The following IL3 variants were observed in gnomAD, a reference collection of about 807,000 sequenced individuals.
IL3 encodes interleukin 3.
In IL3, 15 loss-of-function variants were observed where a neutral mutation model predicts 15.4. The ratio of observed to expected loss-of-function variants is 0.97; its 90% confidence interval spans 0.65 to 1.50. The LOEUF (loss-of-function observed/expected upper bound fraction) is 1.50. IL3 is among the 40% of genes most tolerant of loss of function. The pLI is 0.00. For missense variants in IL3, 162 were observed against 192.2 expected, an observed-to-expected ratio of 0.84 and a Z score of 0.93; for synonymous variants, 74 against 79.3, an observed-to-expected ratio of 0.93 and a Z score of 0.36.
Position 132,062,902 on chromosome 5 carries a change from A to C in IL3, c.*111A>C. On this transcript the variant is annotated 3_prime_UTR_variant, in exon 5 of 5. Coordinates refer to ENST00000296870, the MANE Select transcript of IL3 (RefSeq NM_000588.4). ...CATCTCTCACACATTCCAGGACCAG[A>C]AGCATTTCACCTTTTCCTGCGGCAT... 2 of 1,384,806 alleles carry C rather than the reference A, an allele frequency of 1.4e-6. No individual in the cohort carries two copies. Among genetic ancestry groups the C allele is most frequent in the Non-Finnish European group, 1.9e-6 (2 of 1,030,724 alleles). The allele number at this position is 1,384,806 out of a possible 1,614,324, so 85.8% of individuals were successfully genotyped here.
At chr5:132,061,098 T>A in intron 2 of IL3, 90 bp downstream of exon 2, 1 of 1,204,452 alleles carries the variant, frequency 8.3e-7, no homozygotes, top group Non-Finnish European at 1.2e-6. Context: ...GCTTTCTTCA[T>A]CTGTAAAATA....
intron 2 of IL3, 101 bp downstream of exon 2, chr5:132,061,109 G>C (rs1035391493): frequency 1.9e-6 from 2 of 1,028,522 alleles, no homozygotes; most frequent in African/African-American, 3.2e-5. Context: ...CTGTAAAATA[G>C]GGTTAATAGC....
chr5:132,062,985 C>T lies in IL3; in HGVS notation c.*194C>T, dbSNP rs550935537. 50 of 657,554 alleles carry T rather than the reference C, an allele frequency of 7.6e-5. 1 individual carries two copies. Among genetic ancestry groups the T allele is most frequent in the Admixed American group, 4.7e-4 (15 of 31,580 alleles). The allele number at this position is 657,554 out of a possible 1,614,324, so 40.7% of individuals were successfully genotyped here. Reference sequence around the variant, plus strand: ...TGTGCAGCTCCCATTTGGCCTTGTGCGGTTGTGTTCTCATTTTTATCCCAT... The same window carrying T: ...TGTGCAGCTCCCATTTGGCCTTGTGTGGTTGTGTTCTCATTTTTATCCCAT... On this transcript the variant is annotated 3_prime_UTR_variant, in exon 5 of 5. Coordinates refer to ENST00000296870, the MANE Select transcript of IL3 (RefSeq NM_000588.4).
In IL3 at chr5:132,062,683, T is replaced by C. The variant is rs747099626; in HGVS notation, c.351T>C (p.His117=). ...ATAAPTRHPI[H]IKDGDWNEFR... ...TTTCTTTATAGCGACATCCAATCCA[T>C]ATCAAGGACGGTGACTGGAATGAAT... Residue 117 remains histidine (H), a synonymous_variant, in exon 5 of 5, where the codon CAT becomes CAC. Coordinates refer to ENST00000296870, the MANE Select transcript of IL3 (RefSeq NM_000588.4). The C allele has an allele frequency of 1.5e-5, 24 of 1,614,154 alleles. No individual in the cohort carries two copies. In the East Asian group the frequency reaches 5.1e-4, roughly 34 times the overall value.
chr5:132,061,768 A>ATTTTTTT (rs11314637), intron 2 of IL3, among the ~76,000 whole-genome samples: 1 of 118,432 alleles, frequency 8.4e-6, no homozygotes, highest in Admixed American at 8.6e-5. Context: ...CTCCCCACCC[A>ATTTTTTT]TTTTTTTTTT....
Position 132,062,847 on chromosome 5 carries a change from A to C in IL3, c.*56A>C. On this transcript the variant is annotated 3_prime_UTR_variant, in exon 5 of 5. Coordinates refer to ENST00000296870, the MANE Select transcript of IL3 (RefSeq NM_000588.4). The stretch of plus-strand genomic sequence containing the variant: ...CTCACCACAGAGCCTCGGGACATCA[A>C]AAACAGCAGAACTTCTGAAACCTCT... 1.3e-6 allele frequency: 2 copies of C among 1,565,274 alleles called. No individual in the cohort carries two copies. Among genetic ancestry groups the C allele is most frequent in the African/African-American group, 1.4e-5 (1 of 73,160 alleles).
rs756873166 is a variant in IL3 at position 132,062,567 on chromosome 5, G to T, written c.336G>T (p.Thr112=). ...TGCCCCTGGCCACGGCCGCACCCAC[G>T]GTAAGCTGTCCCCCAAGATGCCCGT... is the stretch of plus-strand genomic sequence containing the variant. ...PCLPLATAAP[T]RHPIHIKDGD... The change falls in exon 4 of 5, where the codon ACG becomes ACT. Residue 112 remains threonine (T), a splice_region_variant and synonymous_variant. Coordinates refer to ENST00000296870, the MANE Select transcript of IL3 (RefSeq NM_000588.4). 6.2e-7 allele frequency: 1 copy of T among 1,614,088 alleles called. No individual in the cohort carries two copies. Among genetic ancestry groups the T allele is most frequent in the Non-Finnish European group, 8.5e-7 (1 of 1,179,996 alleles).
In IL3 at chr5:132,060,682, C is replaced by CAG. The variant is rs774710731; in HGVS notation, c.-22_-21dup. The CAG allele has an allele frequency of 2.0e-5, 33 of 1,611,942 alleles. No individual in the cohort carries two copies. The highest frequency in any genetic ancestry group is 4.3e-4 in the Middle Eastern group (2 of 4,602). The stretch of plus-strand genomic sequence containing the variant: ...AGCCCCACGAAGGACCAGAACAAGA[C>CAG]AGAGTGCCTCCTGCCGATCCAAACA... On this transcript the variant is annotated 5_prime_UTR_variant, in exon 1 of 5. Transcript: ENST00000296870.
chr5:132,062,779 C>G lies in IL3; in HGVS notation c.447C>G (p.Leu149=), dbSNP rs573706059. Residue 149 remains leucine, a synonymous_variant, in exon 5 of 5, where the codon CTC becomes CTG. Coordinates refer to ENST00000296870, the MANE Select transcript of IL3 (RefSeq NM_000588.4). ...NAQAQQTTLS[L]AIF is the part of the protein sequence containing the mutation. Reference sequence around the variant, plus strand: ...AGGCTCAACAGACGACTTTGAGCCTCGCGATCTTTTGAGTCCAACGTCCAG... The same window carrying G: ...AGGCTCAACAGACGACTTTGAGCCTGGCGATCTTTTGAGTCCAACGTCCAG... 377 of 1,613,358 alleles carry G rather than the reference C, an allele frequency of 2.3e-4. 1 individual carries two copies. The highest frequency in any genetic ancestry group is 3.1e-4 in the Non-Finnish European group (362 of 1,179,328).
chr5:132,061,768 AT>A (rs11314637), intron 2 of IL3, among the ~76,000 whole-genome samples: 65,999 of 118,092 alleles, frequency 0.56, 16,826 homozygotes, highest in African/African-American at 0.63. Context: ...CTCCCCACCC[AT>A]TTTTTTTTTT....
Position 132,062,773 on chromosome 5 carries a change from G to T in IL3, c.441G>T (p.Leu147Phe), listed in dbSNP as rs1177948660. The T allele has an allele frequency of 6.2e-7, 1 of 1,613,646 alleles. No homozygotes were observed. The highest frequency in any genetic ancestry group is 1.3e-5 in the African/African-American group (1 of 74,914). ...LENAQAQQTT[L>F]SLAIF ...ATGCGCAGGCTCAACAGACGACTTTGAGCCTCGCGATCTTTTGAGTCCAAC... is the reference window on the plus strand; with the variant it reads ...ATGCGCAGGCTCAACAGACGACTTTTAGCCTCGCGATCTTTTGAGTCCAAC... Residue 147 changes from leucine (L) to phenylalanine (F), a missense_variant, in exon 5 of 5, where the codon TTG (leucine) becomes TTT (phenylalanine). Leu to Phe is a conservative substitution (Grantham distance 22). Transcript: ENST00000296870.
At chr5:132,060,942 C>A (rs766988239) in intron 1 of IL3, 25 bp from the exon 2 acceptor site, 1 of 1,613,828 alleles carries the variant, frequency 6.2e-7, no homozygotes, top group South Asian at 1.1e-5. Flanking sequence ...GCCTCATGGG[C>A]CTTTCTCTCC....
intron 3 of IL3, 62 bp downstream of exon 3, chr5:132,062,463 A>G: frequency 6.2e-7 from 1 of 1,611,582 alleles, no homozygotes; most frequent in Non-Finnish European, 8.5e-7. Flanking sequence ...TCTGGGGAGG[A>G]GAGCAGGGCC....
At position 132,060,786 on chromosome 5, in the gene IL3, C is replaced by T. The variant is rs771952609; in HGVS notation, c.80C>T (p.Pro27Leu). ...CAAGCTCCCATGACCCAGACAACGCCCTTGAAGACAAGCTGGGTTAACTGC... is the reference window on the plus strand; with the variant it reads ...CAAGCTCCCATGACCCAGACAACGCTCTTGAAGACAAGCTGGGTTAACTGC... ...GLQAPMTQTT[P>L]LKTSWVNCSN... The change falls in exon 1 of 5, where the codon CCC becomes CTC. Residue 27 changes from proline (P) to leucine (L), a missense_variant. Pro to Leu is a moderately conservative substitution (Grantham distance 98, BLOSUM62 -3). Transcript: ENST00000296870. The T allele has an allele frequency of 6.2e-7, 1 of 1,614,206 alleles. No homozygotes were observed. The highest frequency in any genetic ancestry group is 8.5e-7 in the Non-Finnish European group (1 of 1,180,032).
Position 132,063,152 on chromosome 5 carries a change from C to A in IL3, c.*361C>A. 5.0e-6 allele frequency: 1 copy of A among 200,784 alleles called. No individual in the cohort carries two copies. The highest frequency in any genetic ancestry group is 1.0e-5 in the Non-Finnish European group (1 of 97,748). The allele number at this position is 200,784 out of a possible 1,614,324, so 12.4% of individuals were successfully genotyped here. On this transcript the variant is annotated 3_prime_UTR_variant, in exon 5 of 5. Transcript: ENST00000296870. ...GTGGGGAGCATGTTCATTTGTACCT[C>A]GAGTTTTAAACTGGTTCCTAGGGAT... is the stretch of plus-strand genomic sequence containing the variant.
rs752291415 is a variant in IL3, at chr5:132,062,573, CT to C, written c.336+7del. Reference sequence around the variant, plus strand: ...TGGCCACGGCCGCACCCACGGTAAGCTGTCCCCCAAGATGCCCGTCATGGCT... The same window carrying C: ...TGGCCACGGCCGCACCCACGGTAAGCGTCCCCCAAGATGCCCGTCATGGCT... On this transcript the variant is annotated splice_region_variant and intron_variant, in intron 4 of 4. Coordinates refer to ENST00000296870, the MANE Select transcript of IL3 (RefSeq NM_000588.4). 2.5e-6 allele frequency: 4 copies of C among 1,614,156 alleles called. No individual in the cohort carries two copies. In the Admixed American group the frequency reaches 6.7e-5, roughly 27 times the overall value.
At chr5:132,061,138 G>C (rs1021051729) in intron 2 of IL3, 130 bp downstream of exon 2, 1 of 791,590 alleles carries the variant, frequency 1.3e-6, no homozygotes, top group Admixed American at 2.4e-5. Flanking sequence ...CAGTGGGATT[G>C]TTATGACAAT....
chr5:132,061,045 G>T, intron 2 of IL3, 37 bp downstream of exon 2: 1 of 1,605,140 alleles, frequency 6.2e-7, no homozygotes, highest in Non-Finnish European at 8.5e-7. Flanking sequence ...TCCACTTCCT[G>T]CCTGGGTGAC....
rs761107100 is a variant in IL3, at chr5:132,060,986, G to A, written c.182G>A (p.Gly61Glu). 2 of 1,614,154 alleles carry A rather than the reference G, an allele frequency of 1.2e-6. No individual in the cohort carries two copies. Among genetic ancestry groups the A allele is most frequent in the Non-Finnish European group, 1.7e-6 (2 of 1,180,018 alleles). Reference sequence around the variant, plus strand: ...CCACAGGACTTCAACAACCTCAATGGGGAAGACCAAGACATTCTGATGGTA... The same window carrying A: ...CCACAGGACTTCAACAACCTCAATGAGGAAGACCAAGACATTCTGATGGTA... Reference protein sequence around the residue: ...LPLLDFNNLNGEDQDILMENN... With the variant: ...LPLLDFNNLNEEDQDILMENN... Residue 61 changes from glycine (G) to glutamate (E), a missense_variant, in exon 2 of 5, where the codon GGG becomes GAG. By Grantham distance (98) the Gly-to-Glu change is moderately conservative. Coordinates refer to ENST00000296870, the MANE Select transcript of IL3 (RefSeq NM_000588.4).
Sources: allele counts gnomAD v4.1 joint callset (sites outside exome capture counted in the v4.1 genomes callset), GRCh38; gene constraint gnomAD v4.1.1; transcripts MANE v1.5; gene names NCBI Gene and HGNC (gene_info 2026-07-23, HGNC 2026-07-21).